Variants in TNN observed in about 807,000 individuals in gnomAD.
TNN encodes tenascin N.
Under a neutral mutation model 134.4 loss-of-function variants are expected in TNN, and 122 were observed. That is an observed-to-expected ratio of 0.91 (90% confidence interval 0.78 to 1.06). The LOEUF is 1.06. Among genes scored for constraint, TNN ranks in the 50% least tolerant of loss-of-function variants. The pLI is 0.00. For missense variants in TNN, 1,739 were observed against 1,699.4 expected, an observed-to-expected ratio of 1.02 and a Z score of -0.41; for synonymous variants, 710 against 670.3, an observed-to-expected ratio of 1.06 and a Z score of -0.91.
Position 175,135,702 on chromosome 1 carries a change from CAT to C in TNN, c.3331-139_3331-138del, listed in dbSNP as rs1188984515. On this transcript the variant is annotated intron_variant, in intron 15 of 18. Transcript: ENST00000239462. Reference sequence around the variant, plus strand: ...CTTATTAATATAGTGAATCTACTGACATATAAATAAAAAGCCTCTCTAGAATG... The same window carrying C: ...CTTATTAATATAGTGAATCTACTGACATAAATAAAAAGCCTCTCTAGAATG... 1.4e-5 allele frequency: 9 copies of C among 647,150 alleles called. No homozygotes were observed. The African/African-American group carries it at 1.5e-4, about 10-fold the overall frequency. The allele number at this position is 647,150 out of a possible 1,614,324, so 40.1% of individuals were successfully genotyped here.
intron 15 of TNN, among the ~76,000 whole-genome samples, chr1:175,128,947 G>A (rs1675605487): frequency 6.6e-6 from 1 of 152,096 alleles, no homozygotes; most frequent in South Asian, 2.1e-4. Context: ...CCCAAGAGAA[G>A]GTTCTTGGAT....
chr1:175,083,817 A>G lies in TNN; in HGVS notation c.1116A>G (p.Glu372=), dbSNP rs111785664. Residue 372 remains glutamate, a synonymous_variant, in exon 5 of 19, where the codon GAA becomes GAG. Transcript: ENST00000239462. ...ETENSLDVEW[E]NPSTEVDYYK... ...AGAACTCCCTTGACGTGGAGTGGGA[A>G]AACCCCTCAACTGAGGTGGACTACT... is the stretch of plus-strand genomic sequence containing the variant. 151 of 1,614,212 alleles carry G rather than the reference A, an allele frequency of 9.4e-5. 1 individual carries two copies. The African/African-American group carries it at 1.7e-3, about 18-fold the overall frequency.
chr1:175,132,579 C>T (rs953694995), intron 15 of TNN, among the ~76,000 whole-genome samples: 1 of 152,206 alleles, frequency 6.6e-6, no homozygotes, highest in Non-Finnish European at 1.5e-5. Context: ...GTAGCTCTTG[C>T]CTATTTATAG....
rs188647712 is a variant in TNN, at chr1:175,137,904, G to A, written c.3595+916G>A. Among the ~76,000 whole-genome samples, 4 of 152,334 alleles carry A rather than the reference G, an allele frequency of 2.6e-5. No homozygotes were observed. In the East Asian group the frequency reaches 7.7e-4, roughly 29 times the overall value. ...ATACAAATAGAAGGTAACTTTTGCA[G>A]AGAGTCAAATAAGGGGTGAGAAACA... On this transcript the variant is annotated intron_variant, in intron 17 of 18. Transcript: ENST00000239462.
At chr1:175,087,835 TG>T (rs1674353378) in intron 6 of TNN, among the ~76,000 whole-genome samples, 1 of 152,228 alleles carries the variant, frequency 6.6e-6, no homozygotes. Context: ...AGCTAGAAAT[TG>T]GGGGTTCTTA....
intron 17 of TNN, among the ~76,000 whole-genome samples, chr1:175,140,782 C>G (rs1675927174): frequency 6.6e-6 from 1 of 152,188 alleles, no homozygotes; most frequent in Admixed American, 6.5e-5. Context: ...ATCATTCCCG[C>G]TTTTAAATTC....
chr1:175,135,726 A>G, intron 15 of TNN, 119 bp from the exon 16 acceptor site: 1 of 749,082 alleles, frequency 1.3e-6, no homozygotes, highest in Non-Finnish European at 2.4e-6. Flanking sequence ...GCCTCTCTAG[A>G]ATGAAAGGCT....
chr1:175,071,481 G>C (rs1673912345), intron 1 of TNN, among the ~76,000 whole-genome samples: 2 of 152,154 alleles, frequency 1.3e-5, no homozygotes, highest in Admixed American at 1.3e-4. Flanking sequence ...GAATTGACTG[G>C]GACTTAACCT....
Position 175,097,511 on chromosome 1 carries a change from C to A in TNN, c.1683C>A (p.Tyr561Ter). The change falls in exon 8 of 19, where the codon TAC becomes TAA. Residue 561 changes from tyrosine (Y) to a stop codon, truncating the protein, a stop_gained. Coordinates refer to ENST00000239462, the MANE Select transcript of TNN (RefSeq NM_022093.2). LOFTEE classifies it high-confidence loss of function. Reference sequence around the variant, plus strand: ...CGGTACAGGCCACCATTGACAAGTACGTGGTGCGCTACACCTCTGCTGACG... The same window carrying A: ...CGGTACAGGCCACCATTGACAAGTAAGTGGTGCGCTACACCTCTGCTGACG... ...WDPVQATIDK[Y>*]VVRYTSADDQ... 1 of 1,614,210 alleles carries A rather than the reference C, an allele frequency of 6.2e-7. No individual in the cohort carries two copies. The highest frequency in any genetic ancestry group is 8.5e-7 in the Non-Finnish European group (1 of 1,180,052).
rs202131667 is a variant in TNN, at chr1:175,147,034, A to G, written c.3863A>G (p.Lys1288Arg). The change falls in exon 19 of 19, where the codon AAG becomes AGG. Residue 1288 changes from lysine (K) to arginine (R), a missense_variant. Lys to Arg is a conservative substitution (Grantham distance 26). Coordinates refer to ENST00000239462, the MANE Select transcript of TNN (RefSeq NM_022093.2). ...AGCAGGGAGCCTGTCCTGGGCAGAA[A>G]GAAGCGGACGCTGAGAGGAAGGCTG... The part of the protein sequence containing the change: ...GYSREPVLGR[K>R]KRTLRGRLRT... 7.0e-5 allele frequency: 112 copies of G among 1,597,760 alleles called. No homozygotes were observed. The East Asian group carries it at 1.7e-3, about 25-fold the overall frequency.
In TNN at chr1:175,099,596, GGAGAGGTGAGGGGTCAGGAGGA is replaced by G. The variant is rs2149433568; in HGVS notation, c.2119+1003_2119+1024del. ...GAGGAGAGATGAGGGCTCAGGAGGA[GGAGAGGTGAGGGGTCAGGAGGA>G]GGAGAGGTGAGGGGTCAGGAGGAGG... On this transcript the variant is annotated intron_variant, in intron 9 of 18. Coordinates refer to ENST00000239462, the MANE Select transcript of TNN (RefSeq NM_022093.2). 1.5e-4 allele frequency among the ~76,000 whole-genome samples: 7 copies of G among 48,118 alleles called. No individual in the cohort carries two copies. The East Asian group carries it at 3.1e-3, about 21-fold the overall frequency. 31.6% of individuals were successfully genotyped at this position (48,118 alleles called of 152,430 possible).
chr1:175,140,983 C>T (rs1017445590), intron 17 of TNN, among the ~76,000 whole-genome samples: 1 of 152,194 alleles, frequency 6.6e-6, no homozygotes, highest in Admixed American at 6.5e-5. Flanking sequence ...CAGCTCTCCC[C>T]AGCCTCTATC....
intron 11 of TNN, among the ~76,000 whole-genome samples, chr1:175,120,948 G>A (rs531305758): frequency 3.9e-5 from 6 of 152,198 alleles, no homozygotes; most frequent in African/African-American, 7.2e-5. Flanking sequence ...CCATAGGCAC[G>A]TGCCACTAAA....
chr1:175,130,836 T>C (rs1675657709), intron 15 of TNN, among the ~76,000 whole-genome samples: 1 of 152,072 alleles, frequency 6.6e-6, no homozygotes, highest in South Asian at 2.1e-4. Flanking sequence ...AACACAGAGA[T>C]CGGTTCCAAA....
chr1:175,088,119 T>C (rs1051348102), intron 6 of TNN, among the ~76,000 whole-genome samples: 1 of 152,168 alleles, frequency 6.6e-6, no homozygotes, highest in Non-Finnish European at 1.5e-5. Context: ...ATAGGAATGA[T>C]TGATTACATC....
intron 9 of TNN, among the ~76,000 whole-genome samples, chr1:175,110,500 G>A (rs188927794): frequency 6.6e-6 from 1 of 152,270 alleles, no homozygotes; most frequent in East Asian, 1.9e-4. Context: ...ATAGTTTCAG[G>A]TCTTACATTT....
chr1:175,097,375 G>A, intron 7 of TNN, 42 bp from the exon 8 acceptor site: 1 of 1,610,004 alleles, frequency 6.2e-7, no homozygotes, highest in Non-Finnish European at 8.5e-7. Context: ...TGGAATTAGA[G>A]GGTGGTAAAG....
At chr1:175,084,012 A>C in intron 5 of TNN, 77 bp downstream of exon 5, 16 of 1,414,898 alleles carry the variant, frequency 1.1e-5, no homozygotes, top group East Asian at 2.3e-5. Context: ...GGGCACTGGC[A>C]TCTGCACTGC....
intron 6 of TNN, among the ~76,000 whole-genome samples, chr1:175,085,822 C>T (rs372777607): frequency 4.4e-5 from 6 of 135,982 alleles, no homozygotes; most frequent in South Asian, 2.2e-4. Context: ...TGTGGTGAGC[C>T]GAGATCGTGC....
Sources: gnomAD v4.1 joint callset for allele counts (sites outside exome capture counted in the v4.1 genomes callset) on GRCh38, gnomAD v4.1.1 for gene constraint, MANE v1.5 for transcripts, NCBI Gene and HGNC (gene_info 2026-07-23, HGNC 2026-07-21) for gene names.